Variants in CREB5 observed in about 807,000 individuals in gnomAD.
CREB5 encodes the protein cyclic AMP-responsive element-binding protein 5.
CREB5 carries 19 observed loss-of-function variants against 57.1 expected under a neutral mutation model. That is an observed-to-expected ratio of 0.33 (90% CI 0.23 to 0.49). The LOEUF (loss-of-function observed/expected upper bound fraction) is 0.49. CREB5 is among the 20% of genes least tolerant of loss of function. The pLI is 0.99. For synonymous variants in CREB5, 238 were observed against 238.3 expected (o/e 1.00, Z 0.01); for missense variants, 579 against 671.6 (o/e 0.86, Z 1.52).
rs898302663 is a variant in CREB5, at chr7:28,599,259, AAGAG to A, written c.464+28731_464+28734del. 1.5e-4 allele frequency among the ~76,000 whole-genome samples: 23 copies of A among 152,072 alleles called. 3 individuals carry two copies. Among genetic ancestry groups the A allele is most frequent in the Admixed American group, 3.3e-4 (5 of 15,250 alleles). On this transcript the variant is annotated intron_variant, in intron 5 of 10. Transcript: ENST00000357727. ...ATATCTATAACATATATAAATGTGA[AAGAG>A]AGAGAGAGCAAGAGATTGTAATGAA...
intron 1 of CREB5, among the ~76,000 whole-genome samples, chr7:28,436,632 A>G (rs1788973360): frequency 6.6e-6 from 1 of 152,186 alleles, no homozygotes; most frequent in Non-Finnish European, 1.5e-5. Context: ...CTGTAATTAG[A>G]TGCAATTGTC....
chr7:28,644,502 C>T (rs992029405), intron 5 of CREB5, among the ~76,000 whole-genome samples: 6 of 152,110 alleles, frequency 3.9e-5, no homozygotes, highest in East Asian at 1.9e-4. Flanking sequence ...GACCTTGTCG[C>T]GCCCCCAACG....
intron 7 of CREB5, among the ~76,000 whole-genome samples, chr7:28,745,893 T>G (rs902607206): frequency 2.0e-5 from 3 of 152,200 alleles, no homozygotes; most frequent in Non-Finnish European, 4.4e-5. Flanking sequence ...GATGAACATT[T>G]TAGTGCTCTG....
intron 5 of CREB5, among the ~76,000 whole-genome samples, chr7:28,656,528 C>G (rs1055349518): frequency 1.3e-5 from 2 of 152,176 alleles, no homozygotes; most frequent in Admixed American, 1.3e-4. Flanking sequence ...ATAGCAGCAT[C>G]GTGTATAAAT....
At position 28,309,933 on chromosome 7, in the gene CREB5, A is replaced by G. The variant is rs548845236; in HGVS notation, c.-25+10492A>G. On this transcript the variant is annotated intron_variant, in intron 1 of 9. Transcript: ENST00000396299. ...CATTAACAAGGAAGGAGATAAGGAC[A>G]TTAGTGAGGCTCAAAACAAGGGCTA... Among the ~76,000 whole-genome samples, 16 of 151,802 alleles carry G rather than the reference A, an allele frequency of 1.1e-4. No homozygotes were observed. The South Asian group carries it at 1.9e-3, about 18-fold the overall frequency.
intron 8 of CREB5, 67 bp from the exon 9 acceptor site, chr7:28,809,120 G>A (rs1007362803): frequency 1.4e-6 from 2 of 1,428,124 alleles, no homozygotes; most frequent in Non-Finnish European, 1.9e-6. Flanking sequence ...CATCAGCTTG[G>A]GTTTCTTCCC....
rs117747185 is a variant in CREB5 at position 28,524,853 on chromosome 7, A to G, written c.291+17116A>G. Among the ~76,000 whole-genome samples the G allele has an allele frequency of 2.6e-3, 396 of 152,294 alleles. 15 individuals carry two copies. The East Asian group carries it at 0.068, about 26-fold the overall frequency. Reference sequence around the variant, plus strand: ...GGAGAACATTTCAAATCTTCCAACTATTTTGAAATATACAATATATTGTTG... The same window carrying G: ...GGAGAACATTTCAAATCTTCCAACTGTTTTGAAATATACAATATATTGTTG... On this transcript the variant is annotated intron_variant, in intron 4 of 10. Transcript: ENST00000357727.
chr7:28,331,647 C>T lies in CREB5; in HGVS notation c.-25+32206C>T, dbSNP rs543449779. ...GGTGGATCACTTGAGGTCAGGAGTTCGAGACCAGCCTGGCCAACATAGTGA... is the reference window on the plus strand; with the variant it reads ...GGTGGATCACTTGAGGTCAGGAGTTTGAGACCAGCCTGGCCAACATAGTGA... On this transcript the variant is annotated intron_variant, in intron 1 of 9. Coordinates refer to the CREB5 transcript ENST00000396299. Among the ~76,000 whole-genome samples the T allele has an allele frequency of 6.6e-5, 10 of 152,040 alleles. No individual in the cohort carries two copies. In the East Asian group the frequency reaches 1.9e-3, roughly 30 times the overall value.
intron 1 of CREB5, among the ~76,000 whole-genome samples, chr7:28,464,496 C>CGCGTGT (rs1554327216): frequency 5.0e-5 from 7 of 139,576 alleles, no homozygotes; most frequent in African/African-American, 1.9e-4. Flanking sequence ...TGGAAAGTTG[C>CGCGTGT]GTGTGTGTGT....
At chr7:28,660,542 T>C (rs1799569370) in intron 5 of CREB5, among the ~76,000 whole-genome samples, 1 of 151,910 alleles carries the variant, frequency 6.6e-6, no homozygotes, top group Admixed American at 6.6e-5. Context: ...AAATGGAAAA[T>C]TACAGACAGG....
At chr7:28,579,835 G>A (rs1463853670) in intron 5 of CREB5, among the ~76,000 whole-genome samples, 1 of 152,172 alleles carries the variant, frequency 6.6e-6, no homozygotes, top group East Asian at 1.9e-4. Context: ...TTGAACACTT[G>A]TCAGATGAGC....
At chr7:28,425,295 C>T (rs1232479900) in intron 1 of CREB5, among the ~76,000 whole-genome samples, 2 of 151,726 alleles carry the variant, frequency 1.3e-5, no homozygotes, top group African/African-American at 4.8e-5. Flanking sequence ...TATACTATAA[C>T]ATGAATGAAC....
intron 1 of CREB5, among the ~76,000 whole-genome samples, chr7:28,404,326 T>C (rs1787534012): frequency 1.3e-5 from 2 of 152,298 alleles, no homozygotes; most frequent in South Asian, 4.2e-4. Context: ...TTGGTTTTTT[T>C]TGCATCCCAA....
rs10228623 is a variant in CREB5, at chr7:28,809,588, T to G, written c.1254+174T>G. On this transcript the variant is annotated intron_variant, in intron 9 of 10. Transcript: ENST00000357727. Reference sequence around the variant, plus strand: ...TTCCAGGACACCCTGCAAAACAAAATTAACCATTCAGTTTTCAATCAATTT... The same window carrying G: ...TTCCAGGACACCCTGCAAAACAAAAGTAACCATTCAGTTTTCAATCAATTT... 0.12 allele frequency among the ~76,000 whole-genome samples: 18,943 copies of G among 152,146 alleles called. 1,415 individuals carry two copies. Among genetic ancestry groups the G allele is most frequent in the African/African-American group, 0.2 (8,386 of 41,458 alleles).
chr7:28,392,744 A>T (rs1488924352), intron 1 of CREB5, among the ~76,000 whole-genome samples: 1 of 152,156 alleles, frequency 6.6e-6, no homozygotes. Flanking sequence ...AGAAAAGGAG[A>T]TCAGGAGGAC....
At chr7:28,587,800 G>C (rs1291467511) in intron 5 of CREB5, among the ~76,000 whole-genome samples, 1 of 152,200 alleles carries the variant, frequency 6.6e-6, no homozygotes, top group Non-Finnish European at 1.5e-5. Flanking sequence ...ACGAGAGCCA[G>C]CTCAGACCAG....
intron 1 of CREB5, among the ~76,000 whole-genome samples, chr7:28,375,233 A>G (rs1786797845): frequency 6.6e-6 from 1 of 152,210 alleles, no homozygotes; most frequent in South Asian, 2.1e-4. Flanking sequence ...TCTACCTTCA[A>G]CATTATTTCT....
chr7:28,512,766 T>G (rs1322377789), intron 4 of CREB5, among the ~76,000 whole-genome samples: 7 of 152,106 alleles, frequency 4.6e-5, no homozygotes, highest in Non-Finnish European at 8.8e-5. Context: ...CTAAAGTGGT[T>G]AAAGACCCTG....
At chr7:28,682,308 C>T (rs1800635834) in intron 5 of CREB5, among the ~76,000 whole-genome samples, 1 of 152,186 alleles carries the variant, frequency 6.6e-6, no homozygotes, top group African/African-American at 2.4e-5. Context: ...ACCTAGGCGG[C>T]CCCTCATCCT....
Sources: gnomAD v4.1 joint callset for allele counts (sites outside exome capture counted in the v4.1 genomes callset) on GRCh38, gnomAD v4.1.1 for gene constraint, MANE v1.5 for transcripts, NCBI Gene and HGNC (gene_info 2026-07-23, HGNC 2026-07-21) for gene names.